Variants in CDH18 observed in about 807,000 individuals in gnomAD.
CDH18 encodes cadherin 18, also known as cadherin-18.
A neutral mutation model predicts 67.9 loss-of-function variants in CDH18; 31 were observed. The observed-to-expected ratio is 0.46, with a 90% confidence interval of 0.34 to 0.62. The LOEUF is 0.62. CDH18 is among the 20% of genes least tolerant of loss of function. CDH18 has a pLI of 0.01. For synonymous variants in CDH18, 362 were observed against 347.2 expected (o/e 1.04, Z -0.48); for missense variants, 890 against 975.5 (o/e 0.91, Z 1.17).
At chr5:19,686,217 TAG>T (rs1761077275) in intron 5 of CDH18, among the ~76,000 whole-genome samples, 1 of 152,008 alleles carries the variant, frequency 6.6e-6, no homozygotes, top group African/African-American at 2.4e-5. Context: ...ATGGGAAAAA[TAG>T]AGTCAAGGAC....
chr5:20,117,134 T>C (rs1580280055), intron 2 of CDH18, among the ~76,000 whole-genome samples: 1 of 152,238 alleles, frequency 6.6e-6, no homozygotes, highest in East Asian at 1.9e-4. Flanking sequence ...TCAAACATGT[T>C]TTACATTTAA....
intron 1 of CDH18, among the ~76,000 whole-genome samples, chr5:20,524,153 G>A (rs1242609630): frequency 6.6e-6 from 1 of 152,132 alleles, no homozygotes; most frequent in Non-Finnish European, 1.5e-5. Flanking sequence ...CTTCACTAAA[G>A]CACCACTCAC....
At position 20,262,618 on chromosome 5, in the gene CDH18, A is replaced by G. The variant is rs906094955; in HGVS notation, c.-579-7113T>C. Among the ~76,000 whole-genome samples the G allele has an allele frequency of 5.0e-4, 76 of 152,240 alleles. 1 individual carries two copies. Among genetic ancestry groups the G allele is most frequent in the African/African-American group, 1.7e-3 (69 of 41,542 alleles). ...CGAGGCTGAAACTATTTTTGTAATA[A>G]TCAAATGATGTATTTTCTGTTTTCA... On this transcript the variant is annotated intron_variant, in intron 1 of 14. Coordinates refer to the CDH18 transcript ENST00000507958.
chr5:19,691,851 T>C (rs914578120), intron 5 of CDH18, among the ~76,000 whole-genome samples: 4 of 151,906 alleles, frequency 2.6e-5, no homozygotes, highest in African/African-American at 9.7e-5. Flanking sequence ...CCATTGCCAT[T>C]TTTTACAGAA....
intron 2 of CDH18, among the ~76,000 whole-genome samples, chr5:20,202,508 A>G (rs2126306936): frequency 6.6e-6 from 1 of 152,080 alleles, no homozygotes; most frequent in East Asian, 1.9e-4. Flanking sequence ...CAGTTTTTTG[A>G]TATTGTACTG....
chr5:19,704,123 C>A (rs1229866319), intron 5 of CDH18, among the ~76,000 whole-genome samples: 1 of 152,114 alleles, frequency 6.6e-6, no homozygotes, highest in Non-Finnish European at 1.5e-5. Context: ...CACAAATAAA[C>A]AAGGCAAAGC....
intron 3 of CDH18, among the ~76,000 whole-genome samples, chr5:19,779,258 A>C (rs1240019131): frequency 7.9e-5 from 12 of 152,176 alleles, no homozygotes; most frequent in Admixed American, 7.9e-4. Context: ...TTTATAGAAT[A>C]ATCACTGAAT....
chr5:19,873,808 C>A lies in CDH18; in HGVS notation c.-256-34566G>T, dbSNP rs139741142. Among the ~76,000 whole-genome samples, 464 of 152,092 alleles carry A rather than the reference C, an allele frequency of 3.1e-3. 4 individuals carry two copies. Among genetic ancestry groups the A allele is most frequent in the African/African-American group, 0.011 (452 of 41,498 alleles). On this transcript the variant is annotated intron_variant, in intron 2 of 12. Coordinates refer to ENST00000382275, the MANE Select transcript of CDH18 (RefSeq NM_004934.5). ...GACTACAGGAATATGCTGCCATGCC[C>A]GGCTAATTTTTTGTATTTTAGTAGA...
chr5:19,490,394 G>GTTGTTTTTTTTTTTT (rs1741227669), intron 11 of CDH18, among the ~76,000 whole-genome samples: 1 of 60,210 alleles, frequency 1.7e-5, no homozygotes, highest in Non-Finnish European at 3.0e-5. Context: ...ATAAAAATCT[G>GTTGTTTTTTTTTTTT]TTTTTTTTTT....
chr5:20,359,755 A>G (rs550392023), intron 1 of CDH18, among the ~76,000 whole-genome samples: 2 of 152,260 alleles, frequency 1.3e-5, no homozygotes, highest in Non-Finnish European at 2.9e-5. Context: ...TACATGTGTT[A>G]TCATAATGCT....
At chr5:20,538,827 G>T (rs771650842) in intron 1 of CDH18, among the ~76,000 whole-genome samples, 6 of 150,704 alleles carry the variant, frequency 4.0e-5, no homozygotes, top group Non-Finnish European at 8.9e-5. Context: ...CTTCTATTGT[G>T]GAATACTGGA....
chr5:20,082,449 T>C (rs1375841310), intron 2 of CDH18, among the ~76,000 whole-genome samples: 1 of 152,214 alleles, frequency 6.6e-6, no homozygotes, highest in East Asian at 1.9e-4. Flanking sequence ...ATGTACTATT[T>C]TTTTCTAGTT....
intron 1 of CDH18, among the ~76,000 whole-genome samples, chr5:20,474,669 A>T (rs1752314819): frequency 6.6e-6 from 1 of 152,240 alleles, no homozygotes; most frequent in African/African-American, 2.4e-5. Flanking sequence ...CTTAATTCAC[A>T]AGATGAGAAA....
At chr5:19,884,637 C>T (rs1432909174) in intron 2 of CDH18, among the ~76,000 whole-genome samples, 1 of 151,668 alleles carries the variant, frequency 6.6e-6, no homozygotes, top group African/African-American at 2.4e-5. Context: ...ATACTTATGA[C>T]AACTCTGTGT....
intron 2 of CDH18, among the ~76,000 whole-genome samples, chr5:19,864,814 C>T (rs573196286): frequency 6.6e-6 from 1 of 152,126 alleles, no homozygotes; most frequent in Admixed American, 6.5e-5. Flanking sequence ...TTCTAGCTAA[C>T]GAATTTTTTG....
intron 1 of CDH18, among the ~76,000 whole-genome samples, chr5:20,574,009 A>G (rs1025996714): frequency 6.7e-6 from 1 of 149,482 alleles, no homozygotes; most frequent in African/African-American, 2.4e-5. Flanking sequence ...AAACATCACT[A>G]TTCTCTAATA....
At chr5:20,555,923 C>T (rs1247547976) in intron 1 of CDH18, among the ~76,000 whole-genome samples, 1 of 152,088 alleles carries the variant, frequency 6.6e-6, no homozygotes, top group Non-Finnish European at 1.5e-5. Flanking sequence ...ATCCATTATC[C>T]TCACTGCTTT....
intron 2 of CDH18, among the ~76,000 whole-genome samples, chr5:20,172,218 A>ATATATATATACGTATATATATATATACG (rs1736841585): frequency 1.2e-5 from 1 of 80,744 alleles, no homozygotes; most frequent in Non-Finnish European, 2.3e-5. Context: ...ATATATATAT[A>ATATATATATACGTATATATATATATACG]TATATGTATA....
At chr5:19,564,876 C>G (rs887984800) in intron 8 of CDH18, among the ~76,000 whole-genome samples, 3 of 151,740 alleles carry the variant, frequency 2.0e-5, no homozygotes, top group Non-Finnish European at 4.4e-5. Flanking sequence ...TCAGCACAAG[C>G]TGACAGAAGA....
Sources: allele counts gnomAD v4.1 joint callset (sites outside exome capture counted in the v4.1 genomes callset), GRCh38; gene constraint gnomAD v4.1.1; transcripts MANE v1.5; gene names NCBI Gene and HGNC (gene_info 2026-07-23, HGNC 2026-07-21).